HSD17B12: variants seen among roughly 807,000 people sequenced by gnomAD.
The protein encoded by HSD17B12 is hydroxysteroid 17-beta dehydrogenase 12, also known as very-long-chain 3-oxoacyl-CoA reductase.
Under a neutral mutation model 39.3 loss-of-function variants are expected in HSD17B12, and 32 were observed. The ratio of observed to expected loss-of-function variants is 0.81; its 90% confidence interval spans 0.61 to 1.09. The LOEUF is 1.09. Ranked by LOEUF, HSD17B12 falls within the 50% of genes least tolerant of loss-of-function variation. The pLI, the probability that HSD17B12 is intolerant of heterozygous loss-of-function variation, is 0.00. For synonymous variants in HSD17B12, 150 were observed against 146.7 expected, an observed-to-expected ratio of 1.02 and a Z score of -0.16; for missense variants, 342 against 382.9, an observed-to-expected ratio of 0.89 and a Z score of 0.89.
intron 1 of HSD17B12, among the ~76,000 whole-genome samples, chr11:43,683,109 T>G (rs78129857): frequency 1.9e-4 from 29 of 151,772 alleles, no homozygotes; most frequent in Non-Finnish European, 3.1e-4. Context: ...TTTTTGTTTT[T>G]TTTTTTTTTT....
chr11:43,742,744 GT>G (rs547769716), intron 1 of HSD17B12, among the ~76,000 whole-genome samples: 2 of 150,060 alleles, frequency 1.3e-5, no homozygotes, highest in Non-Finnish European at 3.0e-5. Flanking sequence ...AGGATTTCCA[GT>G]TTTTTTGTGT....
chr11:43,799,133 G>A (rs1198664641), intron 4 of HSD17B12, among the ~76,000 whole-genome samples: 1 of 151,948 alleles, frequency 6.6e-6, no homozygotes, highest in Non-Finnish European at 1.5e-5. Context: ...ATTACCCCCC[G>A]AGAAGACTTT....
chr11:43,768,966 T>C (rs1274538358), intron 3 of HSD17B12, among the ~76,000 whole-genome samples: 2 of 152,222 alleles, frequency 1.3e-5, no homozygotes, highest in Non-Finnish European at 2.9e-5. Flanking sequence ...TACAATCCTC[T>C]AGCTAGACAG....
the HSD17B12 span, among the ~76,000 whole-genome samples, chr11:43,673,957 A>G: frequency 6.6e-6 from 1 of 152,190 alleles, no homozygotes. Context: ...TAAGAGTAGT[A>G]CCTACCTCAC....
At chr11:43,788,809 C>T (rs1950840982) in intron 3 of HSD17B12, among the ~76,000 whole-genome samples, 1 of 152,032 alleles carries the variant, frequency 6.6e-6, no homozygotes, top group South Asian at 2.1e-4. Flanking sequence ...TTCCATAGGC[C>T]TGTGACCTGA....
chr11:43,805,716 T>G (rs1951011687), intron 4 of HSD17B12, among the ~76,000 whole-genome samples: 1 of 152,162 alleles, frequency 6.6e-6, no homozygotes, highest in South Asian at 2.1e-4. Context: ...ACTTCCCTTT[T>G]GTAATACTGC....
chr11:43,621,169 A>G, the HSD17B12 span, among the ~76,000 whole-genome samples: 2 of 152,178 alleles, frequency 1.3e-5, no homozygotes, highest in Non-Finnish European at 2.9e-5. Flanking sequence ...ACGCCTCTGG[A>G]CAGAGTCAAG....
At chr11:43,711,466 G>A (rs1950064993) in intron 1 of HSD17B12, among the ~76,000 whole-genome samples, 1 of 148,232 alleles carries the variant, frequency 6.7e-6, no homozygotes, top group African/African-American at 2.5e-5. Context: ...TGTTTGCTTG[G>A]TTGGTTGGTT....
intron 3 of HSD17B12, among the ~76,000 whole-genome samples, chr11:43,793,977 C>G (rs1950893073): frequency 6.6e-6 from 1 of 152,214 alleles, no homozygotes; most frequent in Admixed American, 6.5e-5. Context: ...TAGCTTCATT[C>G]TCCACTTTTT....
Position 43,719,085 on chromosome 11 carries a change from A to ATGTTCAACT in HSD17B12, c.161-31825_161-31817dup. 3.9e-6 allele frequency: 3 copies of ATGTTCAACT among 774,022 alleles called. No individual in the cohort carries two copies. In the South Asian group the frequency reaches 4.0e-5, roughly 10 times the overall value. 47.9% of individuals were successfully genotyped at this position (774,022 alleles called of 1,614,324 possible). On this transcript the variant is annotated intron_variant, in intron 1 of 10. Transcript: ENST00000278353. ...CAGCCTGATGGAGAGAAGAAAGCAT[A>ATGTTCAACT]TGTTCAACTGGCTCCTGATTACAAT...
intron 1 of HSD17B12, among the ~76,000 whole-genome samples, chr11:43,685,208 A>C (rs1949787349): frequency 6.6e-6 from 1 of 152,168 alleles, no homozygotes; most frequent in Admixed American, 6.5e-5. Context: ...GGTTCTCCTA[A>C]TTCAGTAGAT....
At chr11:43,824,222 C>A (rs554617598) in intron 6 of HSD17B12, among the ~76,000 whole-genome samples, 1 of 152,292 alleles carries the variant, frequency 6.6e-6, no homozygotes, top group African/African-American at 2.4e-5. Context: ...TTCTCTCACT[C>A]ATTTACATTA....
At chr11:43,637,411 G>A in the HSD17B12 span, among the ~76,000 whole-genome samples, 6 of 151,970 alleles carry the variant, frequency 3.9e-5, no homozygotes, top group Non-Finnish European at 7.4e-5. Context: ...AGTAGAGCTG[G>A]TATTTCACCA....
intron 1 of HSD17B12, among the ~76,000 whole-genome samples, chr11:43,688,701 T>C (rs1054189768): frequency 2.0e-5 from 3 of 152,198 alleles, no homozygotes; most frequent in African/African-American, 7.2e-5. Context: ...GAGTATTACA[T>C]TGGGAAACAG....
upstream of HSD17B12, among the ~76,000 whole-genome samples, chr11:43,678,109 T>G (rs1400300510): frequency 1.3e-5 from 2 of 152,244 alleles, no homozygotes; most frequent in Non-Finnish European, 2.9e-5. Flanking sequence ...TGCCTGACTT[T>G]TTAATGATTG....
intron 1 of HSD17B12, among the ~76,000 whole-genome samples, chr11:43,732,958 T>C (rs755656475): frequency 1.3e-5 from 2 of 152,112 alleles, no homozygotes; most frequent in Admixed American, 6.5e-5. Flanking sequence ...AAAAAGTGGC[T>C]GATGGGAATG....
intron 3 of HSD17B12, among the ~76,000 whole-genome samples, chr11:43,787,830 TC>T (rs1482079710): frequency 6.6e-6 from 1 of 152,026 alleles, no homozygotes; most frequent in African/African-American, 2.4e-5. Context: ...CCCCCAAAGT[TC>T]CCTTTTTAAA....
chr11:43,577,122 C>A, the HSD17B12 span, among the ~76,000 whole-genome samples: 54 of 152,340 alleles, frequency 3.5e-4, no homozygotes, highest in African/African-American at 1.3e-3. Flanking sequence ...AGGACGGCGA[C>A]CCTGGTTCGG....
At chr11:43,729,815 A>C (rs1950252637) in intron 1 of HSD17B12, among the ~76,000 whole-genome samples, 1 of 152,236 alleles carries the variant, frequency 6.6e-6, no homozygotes, top group African/African-American at 2.4e-5. Flanking sequence ...ACTTCCACCT[A>C]AAGGTTCACA....
Sources: gnomAD v4.1 joint callset for allele counts (sites outside exome capture counted in the v4.1 genomes callset) on GRCh38, gnomAD v4.1.1 for gene constraint, MANE v1.5 for transcripts, NCBI Gene and HGNC (gene_info 2026-07-23, HGNC 2026-07-21) for gene names.